Variants in FER1L6 observed in about 807,000 individuals in gnomAD.
The protein encoded by FER1L6 is fer-1 like family member 6, also known as fer-1-like protein 6.
A neutral mutation model predicts 219.2 loss-of-function variants in FER1L6; 177 were observed. The ratio of observed to expected loss-of-function variants is 0.81; its 90% CI spans 0.71 to 0.91. FER1L6 has a LOEUF of 0.91. Ranked by LOEUF, FER1L6 falls within the 40% of genes least tolerant of loss-of-function variation. FER1L6 has a pLI of 0.00. For synonymous variants in FER1L6, 768 were observed against 824.3 expected, an observed-to-expected ratio of 0.93 and a Z score of 1.17; for missense variants, 2,153 against 2,259.9, an observed-to-expected ratio of 0.95 and a Z score of 0.96.
At chr8:124,017,567 T>C in intron 15 of FER1L6, 61 bp from the exon 16 acceptor site, 1 of 1,308,756 alleles carries the variant, frequency 7.6e-7, no homozygotes, top group South Asian at 1.2e-5. Flanking sequence ...TGCAAACCTC[T>C]GGAATTATAT....
intron 20 of FER1L6, among the ~76,000 whole-genome samples, chr8:124,044,792 A>ATTGGCAGGT (rs1342675544): frequency 6.6e-6 from 1 of 152,156 alleles, no homozygotes; most frequent in Non-Finnish European, 1.5e-5. Context: ...GCTGTGTGAA[A>ATTGGCAGGT]TTGGCAGGTT....
At chr8:124,118,983 G>A (rs1275342176) in intron 40 of FER1L6, 39 bp downstream of exon 40, 1 of 1,538,798 alleles carries the variant, frequency 6.5e-7, no homozygotes, top group Non-Finnish European at 9.0e-7. Flanking sequence ...GAAATGGGAA[G>A]GGGCCTTTGC....
chr8:124,067,895 G>C, intron 28 of FER1L6, 89 bp downstream of exon 28: 1 of 997,646 alleles, frequency 1.0e-6, no homozygotes, highest in East Asian at 2.5e-5. Context: ...AGGTGTATTA[G>C]AGCTCAACTC....
At chr8:124,105,125 T>C (rs1362533901) in intron 39 of FER1L6, among the ~76,000 whole-genome samples, 2 of 152,230 alleles carry the variant, frequency 1.3e-5, no homozygotes, top group African/African-American at 4.8e-5. Context: ...GGGAAAGGCC[T>C]TTCTGTGCCT....
chr8:123,864,321 G>T (rs1816793536), intron 1 of FER1L6, among the ~76,000 whole-genome samples: 1 of 148,442 alleles, frequency 6.7e-6, no homozygotes, highest in Non-Finnish European at 1.5e-5. Flanking sequence ...CTCTCTTCTG[G>T]CTTGTAGGGT....
At chr8:124,066,307 TG>T in intron 26 of FER1L6, 120 bp from the exon 27 acceptor site, 1 of 1,096,274 alleles carries the variant, frequency 9.1e-7, no homozygotes, top group Non-Finnish European at 1.3e-6. Flanking sequence ...ACAAAACCAG[TG>T]GATACCTCTG....
At chr8:123,987,706 G>A (rs1816656507) in intron 12 of FER1L6, among the ~76,000 whole-genome samples, 3 of 152,242 alleles carry the variant, frequency 2.0e-5, no homozygotes, top group Non-Finnish European at 4.4e-5. Context: ...GTATATGGTG[G>A]AACATAGGGG....
intron 1 of FER1L6, among the ~76,000 whole-genome samples, chr8:123,916,640 T>C (rs1442297837): frequency 6.6e-6 from 1 of 152,192 alleles, no homozygotes; most frequent in Non-Finnish European, 1.5e-5. Flanking sequence ...CTCATGTAGG[T>C]AGCAACCCTT....
intron 1 of FER1L6, among the ~76,000 whole-genome samples, chr8:123,909,085 G>C (rs969007409): frequency 1.3e-5 from 2 of 152,172 alleles, no homozygotes; most frequent in African/African-American, 4.8e-5. Flanking sequence ...TTCAAGAGAA[G>C]CTGGAGATCT....
At chr8:123,983,356 T>C (rs1250814570) in intron 11 of FER1L6, among the ~76,000 whole-genome samples, 2 of 152,184 alleles carry the variant, frequency 1.3e-5, no homozygotes, top group African/African-American at 4.8e-5. Context: ...ATAGCCAATC[T>C]AAAAATGGGT....
chr8:123,943,433 G>C (rs759905545), intron 1 of FER1L6, among the ~76,000 whole-genome samples: 11 of 152,172 alleles, frequency 7.2e-5, no homozygotes, highest in Non-Finnish European at 1.0e-4. Flanking sequence ...GGCTCTGGCA[G>C]CCAACCCGAA....
At chr8:123,952,511 G>C (rs560251662) in intron 1 of FER1L6, among the ~76,000 whole-genome samples, 1 of 152,280 alleles carries the variant, frequency 6.6e-6, no homozygotes, top group South Asian at 2.1e-4. Context: ...CTTATCTTGG[G>C]GATGACCCTG....
chr8:123,974,680 A>AAAAAAAT (rs1362934333), intron 7 of FER1L6, among the ~76,000 whole-genome samples: 5 of 148,586 alleles, frequency 3.4e-5, no homozygotes, highest in Non-Finnish European at 6.0e-5. Context: ...AAAAAAAAAA[A>AAAAAAAT]AAGAAATGTG....
intron 12 of FER1L6, among the ~76,000 whole-genome samples, chr8:124,002,648 A>G (rs1046030361): frequency 2.0e-5 from 3 of 150,950 alleles, no homozygotes; most frequent in African/African-American, 7.3e-5. Flanking sequence ...GGAAAAAATG[A>G]TGTTTTCCTT....
intron 1 of FER1L6, among the ~76,000 whole-genome samples, chr8:123,876,486 A>AT (rs141639119): frequency 0.28 from 42,845 of 151,498 alleles, 7,003 homozygotes; most frequent in Middle Eastern, 0.39. Context: ...ACTTGGCTAC[A>AT]TTTTTTTTGT....
At chr8:124,008,958 C>G (rs1350693804) in intron 13 of FER1L6, among the ~76,000 whole-genome samples, 3 of 151,936 alleles carry the variant, frequency 2.0e-5, no homozygotes, top group African/African-American at 4.8e-5. Context: ...AAATGCAAAT[C>G]AAGACCACAA....
rs1193085828 is a variant in FER1L6 at position 123,853,036 on chromosome 8, G to A, written c.-8+851G>A. ...TTATTCTTATTTTTGTAGAGACGGG[G>A]CCTCGCTATGTTGCTCAGGTTGGTC... On this transcript the variant is annotated intron_variant, in intron 1 of 40. Transcript: ENST00000522917. This position sits in a 1 kb window ranked among gnomAD's most constrained non-coding sequence, Gnocchi z 6.6. 2.0e-5 allele frequency among the ~76,000 whole-genome samples: 3 copies of A among 152,130 alleles called. 1 individual carries two copies. The highest frequency in any genetic ancestry group is 3.9e-4 in the East Asian group (2 of 5,194).
chr8:124,057,621 C>T (rs921612699), intron 22 of FER1L6, among the ~76,000 whole-genome samples: 7 of 152,048 alleles, frequency 4.6e-5, no homozygotes, highest in Non-Finnish European at 1.0e-4. Flanking sequence ...CCTCTTTTTG[C>T]CTGTCCTCTG....
At chr8:124,067,874 G>C in intron 28 of FER1L6, 68 bp downstream of exon 28, 1 of 1,308,328 alleles carries the variant, frequency 7.6e-7, no homozygotes, top group South Asian at 1.2e-5. Flanking sequence ...TTGTAAAATG[G>C]AAGCCACGGG....
Sources: gnomAD v4.1 joint callset for allele counts (sites outside exome capture counted in the v4.1 genomes callset) on GRCh38, gnomAD v4.1.1 for gene constraint, Gnocchi (gnomAD v3.1) non-coding constraint, MANE v1.5 for transcripts, NCBI Gene and HGNC (gene_info 2026-07-23, HGNC 2026-07-21) for gene names.